CNTNAP2: variants seen among roughly 807,000 people sequenced by gnomAD.
CNTNAP2 encodes the protein contactin associated protein 2.
CNTNAP2 carries 98 observed loss-of-function variants against 155.2 expected under a neutral mutation model. The ratio of observed to expected loss-of-function variants is 0.63; its 90% CI spans 0.54 to 0.75. The LOEUF is 0.75. CNTNAP2 is among the 30% of genes least tolerant of loss of function. The pLI is 0.00. For missense variants in CNTNAP2, 1,727 were observed against 1,688.1 expected (o/e 1.02, Z -0.40); for synonymous variants, 651 against 631.2 (o/e 1.03, Z -0.47).
At position 147,132,399 on chromosome 7, in the gene CNTNAP2, G is replaced by A. The variant is rs796052371; in HGVS notation, c.1238G>A (p.Ser413Asn). The change falls in exon 8 of 24, where the codon AGT (serine) becomes AAT (asparagine). Residue 413 changes from serine (S) to asparagine (N), a missense_variant. Transcript: ENST00000361727. ...AACCCCAATGGTCTCCTGGTCTTCA[G>A]TCACTTTGCGGATAATTTGGGCAAT... ...TWNPNGLLVF[S>N]HFADNLGNVE... The A allele has an allele frequency of 1.9e-6, 3 of 1,613,652 alleles. No individual in the cohort carries two copies. The highest frequency in any genetic ancestry group is 3.3e-4 in the Middle Eastern group (2 of 6,062).
chr7:147,301,563 T>C (rs1794945079), intron 9 of CNTNAP2, among the ~76,000 whole-genome samples: 1 of 151,298 alleles, frequency 6.6e-6, no homozygotes, highest in Non-Finnish European at 1.5e-5. Flanking sequence ...ATTAAATATA[T>C]AGTTATATAG....
intron 15 of CNTNAP2, among the ~76,000 whole-genome samples, chr7:148,014,817 G>C (rs1802146557): frequency 6.6e-6 from 1 of 152,192 alleles, no homozygotes; most frequent in Non-Finnish European, 1.5e-5. Flanking sequence ...GAACCAACTA[G>C]AAAACATCAG....
intron 4 of CNTNAP2, among the ~76,000 whole-genome samples, chr7:147,077,655 A>C (rs1416260779): frequency 6.6e-6 from 1 of 152,196 alleles, no homozygotes; most frequent in East Asian, 1.9e-4. Context: ...GGTTGAGTAC[A>C]AAAGCCAGCC....
At chr7:146,421,172 G>C (rs1796007034) in intron 1 of CNTNAP2, among the ~76,000 whole-genome samples, 1 of 151,938 alleles carries the variant, frequency 6.6e-6, no homozygotes, top group Non-Finnish European at 1.5e-5. Context: ...CTCTTAAAAT[G>C]ATGAAACCAT....
intron 12 of CNTNAP2, among the ~76,000 whole-genome samples, chr7:147,629,042 T>TG (rs952376298): frequency 8.3e-4 from 125 of 151,512 alleles, no homozygotes; most frequent in African/African-American, 2.7e-3. Context: ...ACAATAATAG[T>TG]GGGGGGGCTT....
intron 1 of CNTNAP2, among the ~76,000 whole-genome samples, chr7:146,245,131 C>T (rs1799624406): frequency 6.6e-6 from 1 of 151,942 alleles, no homozygotes; most frequent in African/African-American, 2.4e-5. Context: ...GTGGAACTGC[C>T]ATCAATAAAT....
At chr7:147,285,019 T>C (rs1281432016) in intron 8 of CNTNAP2, among the ~76,000 whole-genome samples, 1 of 151,862 alleles carries the variant, frequency 6.6e-6, no homozygotes, top group Non-Finnish European at 1.5e-5. Context: ...GGGTGCATCC[T>C]TTGAATAAAA....
chr7:147,123,111 A>G lies in CNTNAP2; in HGVS notation c.939+1948A>G, dbSNP rs147046766. Among the ~76,000 whole-genome samples the G allele has an allele frequency of 3.7e-3, 558 of 152,164 alleles. 4 individuals carry two copies. The highest frequency in any genetic ancestry group is 0.013 in the African/African-American group (531 of 41,540). Reference sequence around the variant, plus strand: ...ATTTAAGATTATTGGAAAGTATTTTATCCCTCCCCCTAAAAAAAACTCTTA... The same window carrying G: ...ATTTAAGATTATTGGAAAGTATTTTGTCCCTCCCCCTAAAAAAAACTCTTA... On this transcript the variant is annotated intron_variant, in intron 6 of 23. Transcript: ENST00000361727.
chr7:146,521,700 C>G lies in CNTNAP2; in HGVS notation c.98-252571C>G, dbSNP rs543542919. Among the ~76,000 whole-genome samples, 4 of 152,092 alleles carry G rather than the reference C, an allele frequency of 2.6e-5. No individual in the cohort carries two copies. The East Asian group carries it at 7.7e-4, about 29-fold the overall frequency. ...CATTTACATTCAACAAATATTTAAC[C>G]TAATCCTTATAATCATCCACCATTT... On this transcript the variant is annotated intron_variant, in intron 1 of 23. Coordinates refer to ENST00000361727, the MANE Select transcript of CNTNAP2 (RefSeq NM_014141.6).
intron 13 of CNTNAP2, among the ~76,000 whole-genome samples, chr7:147,713,315 C>T (rs1340939242): frequency 1.3e-5 from 2 of 152,126 alleles, no homozygotes; most frequent in Non-Finnish European, 2.9e-5. Context: ...TTCCTTGTGA[C>T]TTTGTAGTCA....
intron 3 of CNTNAP2, among the ~76,000 whole-genome samples, chr7:146,978,274 G>T (rs376507575): frequency 1.3e-5 from 2 of 152,174 alleles, no homozygotes; most frequent in African/African-American, 2.4e-5. Context: ...CACTGCAAGT[G>T]ATAAGGTGGT....
At chr7:146,718,714 C>G (rs1801234201) in intron 1 of CNTNAP2, among the ~76,000 whole-genome samples, 1 of 152,046 alleles carries the variant, frequency 6.6e-6, no homozygotes, top group Admixed American at 6.6e-5. Context: ...AGTTCTGTTG[C>G]TTGGCAGTTA....
intron 9 of CNTNAP2, among the ~76,000 whole-genome samples, chr7:147,363,956 C>T (rs752176022): frequency 6.6e-6 from 1 of 152,158 alleles, no homozygotes; most frequent in East Asian, 1.9e-4. Context: ...CAACAGTTGG[C>T]GTATGCTAGT....
intron 1 of CNTNAP2, among the ~76,000 whole-genome samples, chr7:146,485,901 C>A (rs983689054): frequency 1.3e-5 from 2 of 152,046 alleles, no homozygotes; most frequent in Non-Finnish European, 2.9e-5. Flanking sequence ...TCTGTCTATA[C>A]AATTTAATCT....
intron 15 of CNTNAP2, among the ~76,000 whole-genome samples, chr7:148,095,551 A>G (rs1378538276): frequency 6.6e-6 from 1 of 152,222 alleles, no homozygotes. Flanking sequence ...CCTAATGAAA[A>G]AGAACTGCAA....
intron 12 of CNTNAP2, among the ~76,000 whole-genome samples, chr7:147,629,321 T>G (rs1404318421): frequency 6.6e-6 from 1 of 151,730 alleles, no homozygotes; most frequent in African/African-American, 2.4e-5. Flanking sequence ...GAGAATCACT[T>G]AAACCCCAGA....
At chr7:146,718,810 C>CT (rs112032857) in intron 1 of CNTNAP2, among the ~76,000 whole-genome samples, 7,255 of 152,142 alleles carry the variant, frequency 0.048, 270 homozygotes, top group East Asian at 0.12. Flanking sequence ...AAGAAGTTTG[C>CT]TTTGTCTCAT....
chr7:146,408,348 A>G (rs802199), intron 1 of CNTNAP2, among the ~76,000 whole-genome samples: 4,144 of 152,222 alleles, frequency 0.027, 195 homozygotes, highest in African/African-American at 0.094. Context: ...AAATGTACAC[A>G]ACAAGCAGCA....
intron 1 of CNTNAP2, among the ~76,000 whole-genome samples, chr7:146,567,833 G>A (rs1244779358): frequency 6.6e-6 from 1 of 152,124 alleles, no homozygotes; most frequent in Non-Finnish European, 1.5e-5. Flanking sequence ...CCATTCTCCT[G>A]CCTCAGCCTC....
Sources: allele counts gnomAD v4.1 joint callset (sites outside exome capture counted in the v4.1 genomes callset), GRCh38; gene constraint gnomAD v4.1.1; transcripts MANE v1.5; gene names NCBI Gene and HGNC (gene_info 2026-07-23, HGNC 2026-07-21).